Variants in SNX18 observed in about 807,000 individuals in gnomAD.
The protein encoded by SNX18 is sorting nexin-18.
In SNX18, 35 loss-of-function variants were observed where a neutral mutation model predicts 48.7. The observed-to-expected ratio is 0.72, with a 90% confidence interval of 0.55 to 0.95. The LOEUF (loss-of-function observed/expected upper bound fraction) is 0.95, where lower values mean the gene tolerates loss of function less well. Among genes scored for constraint, SNX18 ranks in the 40% least tolerant of loss-of-function variants. The pLI is 0.00. For synonymous variants in SNX18, 492 were observed against 384.7 expected, an observed-to-expected ratio of 1.28 and a Z score of -3.26; for missense variants, 824 against 871.0, an observed-to-expected ratio of 0.95 and a Z score of 0.68.
chr5:54,611,394 C>G, the SNX18 span, among the ~76,000 whole-genome samples: 2 of 151,992 alleles, frequency 1.3e-5, no homozygotes, highest in Non-Finnish European at 2.9e-5. Flanking sequence ...TTTGACTCTA[C>G]AGTCAAAAAA....
the SNX18 span, among the ~76,000 whole-genome samples, chr5:54,588,366 C>T: frequency 9.4e-6 from 1 of 106,926 alleles, no homozygotes; most frequent in Non-Finnish European, 1.7e-5. Flanking sequence ...CTCTCACTTT[C>T]ACCCAGGCTG....
the SNX18 span, among the ~76,000 whole-genome samples, chr5:54,631,121 C>T: frequency 2.0e-5 from 3 of 152,212 alleles, no homozygotes; most frequent in Non-Finnish European, 4.4e-5. Context: ...ATTTCAATGA[C>T]ATAATACAGC....
At chr5:54,555,491 C>T in the SNX18 span, among the ~76,000 whole-genome samples, 1 of 151,712 alleles carries the variant, frequency 6.6e-6, no homozygotes, top group East Asian at 1.9e-4. Flanking sequence ...ATTATAGATG[C>T]ACATCATGGC....
intron 1 of SNX18, among the ~76,000 whole-genome samples, chr5:54,530,513 A>G (rs1186203274): frequency 6.6e-6 from 1 of 152,156 alleles, no homozygotes; most frequent in Non-Finnish European, 1.5e-5. Flanking sequence ...GACTTATTCT[A>G]CAGGCAGTCA....
chr5:54,608,722 T>C, the SNX18 span, among the ~76,000 whole-genome samples: 1 of 152,238 alleles, frequency 6.6e-6, no homozygotes, highest in Non-Finnish European at 1.5e-5. Context: ...TGTGTACGAC[T>C]GTAGCAGGTA....
the SNX18 span, among the ~76,000 whole-genome samples, chr5:54,601,935 G>A: frequency 6.6e-6 from 1 of 152,202 alleles, no homozygotes; most frequent in Non-Finnish European, 1.5e-5. Context: ...AGACTTTGGT[G>A]TGGTTTTAAG....
At chr5:54,565,898 C>G in the SNX18 span, among the ~76,000 whole-genome samples, 1 of 152,066 alleles carries the variant, frequency 6.6e-6, no homozygotes, top group African/African-American at 2.4e-5. Context: ...GAACATGTTC[C>G]CATTTAGAGA....
the SNX18 span, among the ~76,000 whole-genome samples, chr5:54,632,256 G>A: frequency 1.3e-5 from 2 of 152,222 alleles, no homozygotes; most frequent in Admixed American, 6.5e-5. Flanking sequence ...CCAGAGATGT[G>A]CAGACGCCAG....
the SNX18 span, among the ~76,000 whole-genome samples, chr5:54,581,829 A>G: frequency 2.0e-5 from 3 of 152,152 alleles, no homozygotes; most frequent in Non-Finnish European, 4.4e-5. Flanking sequence ...AATTGTTGCA[A>G]TGTAGCAAGC....
chr5:54,631,920 G>A, the SNX18 span, among the ~76,000 whole-genome samples: 1 of 152,150 alleles, frequency 6.6e-6, no homozygotes. Context: ...CCTCAAATTG[G>A]GCCAGAGCAG....
the SNX18 span, among the ~76,000 whole-genome samples, chr5:54,634,431 C>T: frequency 6.6e-6 from 1 of 152,194 alleles, no homozygotes; most frequent in Non-Finnish European, 1.5e-5. Flanking sequence ...ACTTGTCCAA[C>T]CTGTGGCCCA....
chr5:54,526,642 A>AAATGGAT (rs1762136518), intron 1 of SNX18, among the ~76,000 whole-genome samples: 3 of 152,194 alleles, frequency 2.0e-5, no homozygotes, highest in Admixed American at 6.5e-5. Flanking sequence ...ACAAATACGT[A>AAATGGAT]TGTACCCATC....
rs76854460 is a variant in SNX18, at chr5:54,518,000, A to G, written c.48A>G (p.Pro16=). Residue 16 remains proline, a synonymous_variant, in exon 1 of 2, where the codon CCA becomes CCG. Transcript: ENST00000381410. ...RALYDFRSEN[P]GEISLREHEV... is the part of the protein sequence containing the mutation. ...TGTACGACTTCAGGTCGGAGAACCC[A>G]GGAGAGATCTCGCTGCGAGAGCACG... 1.3e-6 allele frequency: 2 copies of G among 1,544,016 alleles called. No individual in the cohort carries two copies. Among genetic ancestry groups the G allele is most frequent in the African/African-American group, 2.8e-5 (2 of 70,704 alleles).
intron 1 of SNX18, chr5:54,519,982 A>C: frequency 1.5e-6 from 1 of 670,014 alleles, no homozygotes; most frequent in Non-Finnish European, 2.5e-6. Flanking sequence ...TGAGGAAATA[A>C]TGGAGAAGAA....
the SNX18 span, among the ~76,000 whole-genome samples, chr5:54,643,004 G>A: frequency 6.6e-6 from 1 of 152,134 alleles, no homozygotes; most frequent in African/African-American, 2.4e-5. Flanking sequence ...TCCTGTTTAT[G>A]ATTTGGTATC....
the SNX18 span, among the ~76,000 whole-genome samples, chr5:54,572,366 G>A: frequency 6.6e-6 from 1 of 152,124 alleles, no homozygotes; most frequent in Admixed American, 6.6e-5. Context: ...AGCTGAGAGA[G>A]TCCCACCATC....
the SNX18 span, among the ~76,000 whole-genome samples, chr5:54,581,512 C>G: frequency 3.3e-5 from 5 of 152,138 alleles, no homozygotes; most frequent in East Asian, 9.7e-4. Context: ...TGAGGATAGA[C>G]GTCTGGCGTT....
the SNX18 span, among the ~76,000 whole-genome samples, chr5:54,562,794 G>T: frequency 6.6e-6 from 1 of 152,148 alleles, no homozygotes; most frequent in Non-Finnish European, 1.5e-5. Flanking sequence ...CTTCATGCAG[G>T]TCCTTCAGGA....
At chr5:54,645,404 G>A in the SNX18 span, 1 of 152,232 alleles carries the variant, frequency 6.6e-6, no homozygotes, top group African/African-American at 2.4e-5. Context: ...GCTATGCCCA[G>A]GTGTTCCGGG....
Sources: allele counts gnomAD v4.1 joint callset (sites outside exome capture counted in the v4.1 genomes callset), GRCh38; gene constraint gnomAD v4.1.1; transcripts MANE v1.5; gene names NCBI Gene and HGNC (gene_info 2026-07-23, HGNC 2026-07-21).